Variants in LINGO2 observed in about 807,000 individuals in gnomAD.
The protein encoded by LINGO2 is leucine-rich repeat and immunoglobulin-like domain-containing nogo receptor-interacting protein 2.
A neutral mutation model predicts 30.6 loss-of-function variants in LINGO2; 14 were observed. The ratio of observed to expected loss-of-function variants is 0.46; its 90% CI spans 0.30 to 0.72. The LOEUF (loss-of-function observed/expected upper bound fraction) is 0.72. Among genes scored for constraint, LINGO2 ranks in the 30% least tolerant of loss-of-function variants. The pLI, the probability that LINGO2 is intolerant of heterozygous loss-of-function variation, is 0.07. For missense variants in LINGO2, 729 were observed against 751.7 expected, an observed-to-expected ratio of 0.97 and a Z score of 0.35; for synonymous variants, 317 against 288.5, an observed-to-expected ratio of 1.10 and a Z score of -1.00.
chr9:28,234,512 A>C (rs1437189820), intron 4 of LINGO2, among the ~76,000 whole-genome samples: 1 of 152,162 alleles, frequency 6.6e-6, no homozygotes, highest in Admixed American at 6.5e-5. Flanking sequence ...AGGCAGACCC[A>C]CTCTCAATCT....
chr9:28,110,972 A>G (rs1188019833), intron 4 of LINGO2, among the ~76,000 whole-genome samples: 2 of 152,182 alleles, frequency 1.3e-5, no homozygotes, highest in Non-Finnish European at 2.9e-5. Context: ...ACTAGCAAAG[A>G]CTTGGAACCA....
chr9:28,842,251 AG>A, the LINGO2 span, among the ~76,000 whole-genome samples: 1 of 151,904 alleles, frequency 6.6e-6, no homozygotes, highest in Non-Finnish European at 1.5e-5. Flanking sequence ...GAATGCTTGT[AG>A]GATTTATTCC....
chr9:29,151,843 G>A, the LINGO2 span, among the ~76,000 whole-genome samples: 36,388 of 151,948 alleles, frequency 0.24, 4,503 homozygotes, highest in East Asian at 0.41. Flanking sequence ...AGATCATTGA[G>A]GCAGAAAACA....
At chr9:28,662,231 C>A (rs56001377) in intron 1 of LINGO2, among the ~76,000 whole-genome samples, 184 of 152,196 alleles carry the variant, frequency 1.2e-3, no homozygotes, top group African/African-American at 4.3e-3. Context: ...CAGAGCGGGG[C>A]CCAATGCAAA....
chr9:29,119,359 G>A, the LINGO2 span, among the ~76,000 whole-genome samples: 1 of 128,212 alleles, frequency 7.8e-6, no homozygotes, highest in South Asian at 2.4e-4. Context: ...GCATGCACGT[G>A]TGCGCGCACA....
chr9:28,351,728 G>A (rs1449976335), intron 3 of LINGO2, among the ~76,000 whole-genome samples: 1 of 152,030 alleles, frequency 6.6e-6, no homozygotes, highest in East Asian at 1.9e-4. Flanking sequence ...TATCCTTGAT[G>A]AACATTGGTG....
At chr9:28,414,243 T>C (rs1390391018) in intron 2 of LINGO2, among the ~76,000 whole-genome samples, 1 of 152,096 alleles carries the variant, frequency 6.6e-6, no homozygotes, top group East Asian at 1.9e-4. Flanking sequence ...GGATTTTATT[T>C]CGTTCCACAG....
rs1015694091 is a variant in LINGO2 at position 28,130,042 on chromosome 9, T to C, written c.-86-117637A>G. Among the ~76,000 whole-genome samples the C allele has an allele frequency of 5.3e-5, 8 of 152,206 alleles. No individual in the cohort carries two copies. The highest frequency in any genetic ancestry group is 1.2e-4 in the Non-Finnish European group (8 of 68,036). On this transcript the variant is annotated intron_variant, in intron 4 of 5. Coordinates refer to ENST00000379992, the Ensembl canonical transcript of LINGO2. This position sits in a 1 kb window ranked among gnomAD's most constrained non-coding sequence, Gnocchi z 5.2. Reference sequence around the variant, plus strand: ...CCACAGAGTAACCTCTTCAGACTACTTCATATGTTTCAGCGTCTCATGAAT... The same window carrying C: ...CCACAGAGTAACCTCTTCAGACTACCTCATATGTTTCAGCGTCTCATGAAT...
At chr9:28,664,305 G>C (rs1031116664) in intron 1 of LINGO2, among the ~76,000 whole-genome samples, 3 of 152,046 alleles carry the variant, frequency 2.0e-5, no homozygotes, top group Non-Finnish European at 4.4e-5. Flanking sequence ...TATCTGCAAG[G>C]AACAATGACA....
chr9:28,968,572 C>CA, the LINGO2 span, among the ~76,000 whole-genome samples: 4 of 152,140 alleles, frequency 2.6e-5, no homozygotes, highest in African/African-American at 7.2e-5. Context: ...AAGCCTATGA[C>CA]AGAGCCTGGC....
chr9:29,109,827 G>A, the LINGO2 span, among the ~76,000 whole-genome samples: 2 of 152,176 alleles, frequency 1.3e-5, no homozygotes, highest in African/African-American at 4.8e-5. Flanking sequence ...AAACACCAAT[G>A]TCAATAATCC....
At chr9:28,608,151 T>TTA (rs1825769771) in intron 1 of LINGO2, among the ~76,000 whole-genome samples, 1 of 147,634 alleles carries the variant, frequency 6.8e-6, no homozygotes, top group African/African-American at 2.5e-5. Flanking sequence ...TGTAGAAAGA[T>TTA]AAAAAAAAAA....
the LINGO2 span, among the ~76,000 whole-genome samples, chr9:29,063,253 G>C: frequency 1.3e-5 from 2 of 152,042 alleles, no homozygotes; most frequent in Non-Finnish European, 2.9e-5. Flanking sequence ...ACAAAAGAGG[G>C]CAACAGCTGC....
chr9:28,795,074 GC>G, the LINGO2 span, among the ~76,000 whole-genome samples: 1 of 151,866 alleles, frequency 6.6e-6, no homozygotes, highest in Non-Finnish European at 1.5e-5. Flanking sequence ...CAGGTGATGC[GC>G]CCCCACCTCG....
chr9:28,177,139 G>T (rs1828772352), intron 4 of LINGO2, among the ~76,000 whole-genome samples: 1 of 152,158 alleles, frequency 6.6e-6, no homozygotes, highest in South Asian at 2.1e-4. Flanking sequence ...TCAACATGAA[G>T]GATCTCTTCT....
chr9:28,506,757 C>T (rs1237622329), intron 1 of LINGO2, among the ~76,000 whole-genome samples: 4 of 151,348 alleles, frequency 2.6e-5, no homozygotes, highest in Non-Finnish European at 4.4e-5. Flanking sequence ...TGTTTTGTCT[C>T]TAGGTACCAT....
the LINGO2 span, chr9:27,942,803 A>G: frequency 6.6e-6 from 1 of 152,138 alleles, no homozygotes. Context: ...CCTTCCCCAC[A>G]TATTTATATA....
At chr9:28,685,357 C>T in the LINGO2 span, among the ~76,000 whole-genome samples, 3 of 152,120 alleles carry the variant, frequency 2.0e-5, no homozygotes, top group Non-Finnish European at 4.4e-5. Flanking sequence ...AGTCAAAGCA[C>T]AGTGCTTAGT....
the LINGO2 span, among the ~76,000 whole-genome samples, chr9:29,176,661 G>T: frequency 6.6e-6 from 1 of 152,204 alleles, no homozygotes; most frequent in Non-Finnish European, 1.5e-5. Context: ...TAAGAAAGAA[G>T]TAAAAATATA....
Sources: allele counts gnomAD v4.1 joint callset (sites outside exome capture counted in the v4.1 genomes callset), GRCh38; gene constraint gnomAD v4.1.1; non-coding constraint Gnocchi (gnomAD v3.1); transcripts MANE v1.5; gene names NCBI Gene and HGNC (gene_info 2026-07-23, HGNC 2026-07-21).